Variants in CUX2 observed in about 807,000 individuals in gnomAD.
The protein encoded by CUX2 is homeobox protein cut-like 2.
In CUX2, 40 loss-of-function variants were observed where a neutral mutation model predicts 144.8. That is an observed-to-expected ratio of 0.28 (90% CI 0.21 to 0.36). The LOEUF (loss-of-function observed/expected upper bound fraction) is 0.36. Ranked by LOEUF, CUX2 falls within the 10% of genes least tolerant of loss-of-function variation. The pLI is 1.00. For missense variants in CUX2, 1,615 were observed against 1,994.0 expected (o/e 0.81, Z 3.62); for synonymous variants, 827 against 875.6 (o/e 0.94, Z 0.98).
At chr12:111,247,933 C>A (rs1883356498) in intron 3 of CUX2, among the ~76,000 whole-genome samples, 1 of 152,206 alleles carries the variant, frequency 6.6e-6, no homozygotes, top group Non-Finnish European at 1.5e-5. Context: ...GAGACAGAGT[C>A]TCTTGCTCTG....
In CUX2 at chr12:111,349,713, G is replaced by A. The variant is rs1888974261; in HGVS notation, c.*1388G>A. Reference sequence around the variant, plus strand: ...TTTCTAGGGTGAGAGTTCCCAATTTGGATAGAACGGCCACCATATTGGTTA... The same window carrying A: ...TTTCTAGGGTGAGAGTTCCCAATTTAGATAGAACGGCCACCATATTGGTTA... On this transcript the variant is annotated 3_prime_UTR_variant, in exon 22 of 22. Coordinates refer to ENST00000261726, the MANE Select transcript of CUX2 (RefSeq NM_015267.4). 1 of 152,084 alleles carries A rather than the reference G, an allele frequency of 6.6e-6. No individual in the cohort carries two copies. 9.4% of individuals were successfully genotyped at this position (152,084 alleles called of 1,614,324 possible).
rs142720793 is a variant in CUX2 at position 111,086,682 on chromosome 12, A to G, written c.63+52442A>G. 5.6e-4 allele frequency among the ~76,000 whole-genome samples: 86 copies of G among 152,314 alleles called. 1 individual carries two copies. The highest frequency in any genetic ancestry group is 1.9e-3 in the African/African-American group (80 of 41,574). ...CCATATGCCCTTTGGCCACTTGTTT[A>G]GCATCTTGGAACCTCAGTTTCCTCT... On this transcript the variant is annotated intron_variant, in intron 1 of 21. Coordinates refer to ENST00000261726, the MANE Select transcript of CUX2 (RefSeq NM_015267.4).
intron 3 of CUX2, among the ~76,000 whole-genome samples, chr12:111,234,981 A>T (rs926870054): frequency 2.6e-5 from 4 of 152,122 alleles, no homozygotes; most frequent in Admixed American, 6.6e-5. Context: ...AGCCTCCCAA[A>T]GTGCTGGAAT....
chr12:111,179,463 G>A (rs996208390), intron 1 of CUX2, among the ~76,000 whole-genome samples: 3 of 152,126 alleles, frequency 2.0e-5, no homozygotes, highest in African/African-American at 7.2e-5. Flanking sequence ...TCACTTCTTT[G>A]GGCCTCAGTT....
intron 1 of CUX2, among the ~76,000 whole-genome samples, chr12:111,082,872 C>T (rs543893329): frequency 3.3e-5 from 5 of 152,144 alleles, no homozygotes; most frequent in African/African-American, 9.6e-5. Flanking sequence ...CCATGGGTGT[C>T]GTGAAGAGGG....
chr12:111,072,949 T>C (rs1362011710), intron 1 of CUX2, among the ~76,000 whole-genome samples: 1 of 152,236 alleles, frequency 6.6e-6, no homozygotes, highest in Non-Finnish European at 1.5e-5. Flanking sequence ...GTGGCCATTA[T>C]AGAAAGAACA....
chr12:111,308,748 G>A (rs1444960790), intron 14 of CUX2, among the ~76,000 whole-genome samples: 1 of 152,130 alleles, frequency 6.6e-6, no homozygotes, highest in African/African-American at 2.4e-5. Flanking sequence ...CCCTTCCAAG[G>A]CCCCCTAAAG....
intron 1 of CUX2, among the ~76,000 whole-genome samples, chr12:111,038,462 G>A (rs1869569696): frequency 6.6e-6 from 1 of 152,254 alleles, no homozygotes; most frequent in South Asian, 2.1e-4. Context: ...CCTGAGAGGG[G>A]TTGGCATTAG....
In CUX2 at chr12:111,310,005, C is replaced by CGTCTGTCT. The variant is rs200995431; in HGVS notation, c.1259-18_1259-11dup. The CGTCTGTCT allele has an allele frequency of 7.7e-5, 97 of 1,266,096 alleles. No homozygotes were observed. Among genetic ancestry groups the CGTCTGTCT allele is most frequent in the African/African-American group, 1.1e-4 (7 of 64,780 alleles). 78.4% of individuals were successfully genotyped at this position (1,266,096 alleles called of 1,614,324 possible). On this transcript the variant is annotated intron_variant, in intron 14 of 21. Coordinates refer to ENST00000261726, the MANE Select transcript of CUX2 (RefSeq NM_015267.4). This position sits in a 1 kb window ranked among gnomAD's most constrained non-coding sequence, Gnocchi z 7.9. ...TCTCTCCCCTCATCATCGTCTTCCC[C>CGTCTGTCT]GTCTGTCTGTCTGTCTGTCTGTCTG... is the stretch of plus-strand genomic sequence containing the variant.
chr12:111,091,370 A>G (rs113010424), intron 1 of CUX2, among the ~76,000 whole-genome samples: 2,062 of 152,268 alleles, frequency 0.014, 47 homozygotes, highest in African/African-American at 0.047. Flanking sequence ...CGGAGGAGAC[A>G]CAGCTGGGGT....
chr12:111,176,376 G>T (rs964870826), intron 1 of CUX2, among the ~76,000 whole-genome samples: 1 of 152,110 alleles, frequency 6.6e-6, no homozygotes, highest in Non-Finnish European at 1.5e-5. Flanking sequence ...TGAGCTTGGG[G>T]ATCGGGGAGA....
chr12:111,302,571 G>C (rs1245218797), intron 9 of CUX2, among the ~76,000 whole-genome samples: 3 of 152,196 alleles, frequency 2.0e-5, no homozygotes, highest in African/African-American at 7.2e-5. Context: ...ATTAACATTT[G>C]AATGCTTCCT....
At chr12:111,184,068 G>GCA (rs1879359571) in intron 1 of CUX2, among the ~76,000 whole-genome samples, 1 of 152,170 alleles carries the variant, frequency 6.6e-6, no homozygotes, top group Admixed American at 6.5e-5. Flanking sequence ...CAGGAAAGAG[G>GCA]CAGTCCCTTG....
At chr12:111,070,421 C>T (rs556716983) in intron 1 of CUX2, among the ~76,000 whole-genome samples, 29 of 121,278 alleles carry the variant, frequency 2.4e-4, no homozygotes, top group African/African-American at 1.1e-3. Flanking sequence ...TCCTTCCTTC[C>T]TTCCTTCCTT....
At position 111,310,136 on chromosome 12, in the gene CUX2, G is replaced by T; in HGVS notation, c.1354G>T (p.Glu452Ter). Residue 452 changes from glutamate (E) to a stop codon, truncating the protein, a stop_gained, in exon 15 of 22, where the codon GAA becomes TAA. Transcript: ENST00000261726. LOFTEE classifies it high-confidence loss of function. The surrounding 1 kb of genome is among the most constrained non-coding windows in gnomAD (Gnocchi z 7.9). ...GCAGCTCCCACCTCCACCAGGGCCA[G>T]AAGACCCCCTGTCTCCCAGCCCCGG... Reference protein sequence around the residue: ...PQQLPPPPGPEDPLSPSPGQP... With the variant: ...PQQLPPPPGP 6.6e-7 allele frequency: 1 copy of T among 1,524,796 alleles called. No homozygotes were observed. The highest frequency in any genetic ancestry group is 2.4e-5 in the East Asian group (1 of 42,124). The allele number at this position is 1,524,796 out of a possible 1,614,324, so 94.5% of individuals were successfully genotyped here.
chr12:111,036,699 G>C (rs1467114582), intron 1 of CUX2, among the ~76,000 whole-genome samples: 2 of 150,912 alleles, frequency 1.3e-5, no homozygotes, highest in East Asian at 2.0e-4. Context: ...CTCAGGGAAG[G>C]GGGGTAAACT....
At chr12:111,142,224 AG>A (rs1451177681) in intron 1 of CUX2, among the ~76,000 whole-genome samples, 2 of 152,228 alleles carry the variant, frequency 1.3e-5, no homozygotes, top group African/African-American at 4.8e-5. Flanking sequence ...CCACATGCAA[AG>A]TATGGCCCCT....
chr12:111,306,081 C>T (rs1886565365), intron 10 of CUX2, among the ~76,000 whole-genome samples: 1 of 152,054 alleles, frequency 6.6e-6, no homozygotes, highest in Non-Finnish European at 1.5e-5. Flanking sequence ...GAGTGAGAGC[C>T]CATGAGGATG....
At position 111,289,357 on chromosome 12, in the gene CUX2, A is replaced by G. The variant is rs188453126; in HGVS notation, c.302-2061A>G. On this transcript the variant is annotated intron_variant, in intron 4 of 21. Coordinates refer to ENST00000261726, the MANE Select transcript of CUX2 (RefSeq NM_015267.4). The surrounding 1 kb of genome is among the most constrained non-coding windows in gnomAD (Gnocchi z 4.1). ...AGACCCAGATTCGAGTCTCACATCT[A>G]CCTTTCAGCAAGTCACCTGGTTTCT... Among the ~76,000 whole-genome samples the G allele has an allele frequency of 1.3e-5, 2 of 152,186 alleles. No individual in the cohort carries two copies. The highest frequency in any genetic ancestry group is 2.4e-5 in the African/African-American group (1 of 41,530).
Sources: gnomAD v4.1 joint callset for allele counts (sites outside exome capture counted in the v4.1 genomes callset) on GRCh38, gnomAD v4.1.1 for gene constraint, Gnocchi (gnomAD v3.1) non-coding constraint, MANE v1.5 for transcripts, NCBI Gene and HGNC (gene_info 2026-07-23, HGNC 2026-07-21) for gene names.